Variants in SLC2A9 observed in about 807,000 individuals in gnomAD.
SLC2A9 encodes the protein solute carrier family 2, facilitated glucose transporter member 9.
Under a neutral mutation model 50.6 loss-of-function variants are expected in SLC2A9, and 39 were observed. The ratio of observed to expected loss-of-function variants is 0.77; its 90% CI spans 0.60 to 1.01. The LOEUF (loss-of-function observed/expected upper bound fraction) is 1.01, where lower values mean the gene tolerates loss of function less well. Ranked by LOEUF, SLC2A9 falls within the 50% of genes least tolerant of loss-of-function variation. The pLI is 0.00. For synonymous variants in SLC2A9, 324 were observed against 276.9 expected (o/e 1.17, Z -1.69); for missense variants, 686 against 677.6 (o/e 1.01, Z -0.14).
At chr4:9,795,007 CT>C (rs3060726), downstream of SLC2A9, among the ~76,000 whole-genome samples, 563 of 95,184 alleles carry the variant, frequency 5.9e-3, 3 homozygotes, top group East Asian at 0.027. Flanking sequence ...TTAACCCATC[CT>C]TTTTTTTTTT....
intron 6 of SLC2A9, among the ~76,000 whole-genome samples, chr4:9,928,737 A>G (rs568611628): frequency 2.0e-5 from 3 of 152,364 alleles, no homozygotes; most frequent in African/African-American, 7.2e-5. Context: ...CCTTCTCAAA[A>G]GCAAACAAAC....
chr4:10,034,283 C>G (rs538407255), intron 1 of SLC2A9: 1 of 152,296 alleles, frequency 6.6e-6, no homozygotes, highest in Non-Finnish European at 1.5e-5. Flanking sequence ...AGCGCACCCA[C>G]GCAAGGAGCT....
chr4:9,780,478 C>T (rs1164479400), intron 3 of SLC2A9, among the ~76,000 whole-genome samples: 1 of 152,106 alleles, frequency 6.6e-6, no homozygotes, highest in African/African-American at 2.4e-5. Flanking sequence ...GGCTGAGCAG[C>T]TTAAGTCTGA....
At chr4:9,972,373 GT>G (rs528188285) in intron 5 of SLC2A9, among the ~76,000 whole-genome samples, 1 of 149,380 alleles carries the variant, frequency 6.7e-6, no homozygotes, top group African/African-American at 2.4e-5. Flanking sequence ...TAATTGATTT[GT>G]TTTAAAAAAA....
chr4:10,010,997 G>T (rs138700664), intron 2 of SLC2A9, among the ~76,000 whole-genome samples: 16 of 152,102 alleles, frequency 1.1e-4, no homozygotes, highest in African/African-American at 3.4e-4. Context: ...TAGGAAGTGC[G>T]TGAGTCCCAG....
chr4:9,799,476 C>G (rs569811195), intron 3 of SLC2A9, among the ~76,000 whole-genome samples: 1 of 151,870 alleles, frequency 6.6e-6, no homozygotes, highest in South Asian at 2.1e-4. Flanking sequence ...GTCATTAATC[C>G]CATTCAGAAT....
chr4:9,996,671 C>G, intron 3 of SLC2A9, 110 bp downstream of exon 3: 1 of 1,331,120 alleles, frequency 7.5e-7, no homozygotes, highest in East Asian at 2.5e-5. Context: ...TTGAATCTCT[C>G]CAGTTGAACT....
chr4:9,845,255 C>T (rs371591361), intron 10 of SLC2A9, among the ~76,000 whole-genome samples: 144 of 151,872 alleles, frequency 9.5e-4, no homozygotes, highest in African/African-American at 2.9e-3. Flanking sequence ...CCTCGTGATC[C>T]GCCTGCCTCG....
In SLC2A9 at chr4:9,920,539, G is replaced by T; in HGVS notation, c.848C>A (p.Ser283Tyr). 6.2e-7 allele frequency: 1 copy of T among 1,614,174 alleles called. No homozygotes were observed. Among genetic ancestry groups the T allele is most frequent in the South Asian group, 1.1e-5 (1 of 91,088 alleles). ...FQTFLGKADV[S>Y]QEVEEVLAES... The stretch of plus-strand genomic sequence containing the variant: ...AGCCAGGACCTCCTCTACCTCTTGG[G>T]AAACGTCTGCTTTACCCAAGAACGT... Residue 283 changes from serine (S) to tyrosine (Y), a missense_variant, in exon 7 of 12, where the codon TCC becomes TAC. Coordinates refer to ENST00000264784, the MANE Select transcript of SLC2A9 (RefSeq NM_020041.3).
At position 10,020,039 on chromosome 4, in the gene SLC2A9, AGTGTGTGTGTGTGTGT is replaced by A. The variant is rs112964589; in HGVS notation, c.151-982_151-967del. Among the ~76,000 whole-genome samples, 550 of 148,082 alleles carry A rather than the reference AGTGTGTGTGTGTGTGT, an allele frequency of 3.7e-3. 2 individuals carry two copies. The highest frequency in any genetic ancestry group is 0.013 in the African/African-American group (510 of 40,212). ...TTTGCCATCATTTGACATATTTGTGAGTGTGTGTGTGTGTGTGTGTGTGTGTGTGTGTGTTGTAGGC... is the reference window on the plus strand; with the variant it reads ...TTTGCCATCATTTGACATATTTGTGAGTGTGTGTGTGTGTGTGTTGTAGGC... On this transcript the variant is annotated intron_variant, in intron 1 of 11. Coordinates refer to ENST00000264784, the MANE Select transcript of SLC2A9 (RefSeq NM_020041.3).
chr4:9,889,685 G>T (rs1736996977), intron 9 of SLC2A9, among the ~76,000 whole-genome samples: 1 of 152,206 alleles, frequency 6.6e-6, no homozygotes, highest in African/African-American at 2.4e-5. Context: ...CATTTGACAG[G>T]TGATCAAAAT....
chr4:10,024,846 A>T (rs570297103), upstream of SLC2A9, among the ~76,000 whole-genome samples: 1 of 152,250 alleles, frequency 6.6e-6, no homozygotes, highest in Non-Finnish European at 1.5e-5. Context: ...TCTATTGAGT[A>T]TCATTTAAGC....
intron 4 of SLC2A9, 138 bp downstream of exon 4, chr4:9,985,531 G>T: frequency 8.6e-7 from 1 of 1,159,530 alleles, no homozygotes. Context: ...TTTATGCAGA[G>T]TTCCAGCATC....
In SLC2A9 at chr4:9,832,929, G is replaced by A. The variant is rs183382473; in HGVS notation, c.1419+1952C>T. Among the ~76,000 whole-genome samples, 228 of 149,364 alleles carry A rather than the reference G, an allele frequency of 1.5e-3. 1 individual carries two copies. Among genetic ancestry groups the A allele is most frequent in the Middle Eastern group, 6.9e-3 (2 of 290 alleles). On this transcript the variant is annotated intron_variant, in intron 11 of 11. Transcript: ENST00000264784. ...AAGGTCTTTCACACCCCACACCCCT[G>A]AGTGGCTCAGAAGATAGTGGCCTGC...
intron 6 of SLC2A9, among the ~76,000 whole-genome samples, chr4:9,939,707 A>C (rs1203497806): frequency 6.6e-6 from 1 of 152,156 alleles, no homozygotes; most frequent in African/African-American, 2.4e-5. Context: ...ATAGTTTTCA[A>C]TACAGATGAG....
At chr4:9,860,412 C>T (rs9684729) in intron 10 of SLC2A9, among the ~76,000 whole-genome samples, 71,607 of 152,034 alleles carry the variant, frequency 0.47, 19,237 homozygotes, top group African/African-American at 0.74. Context: ...GGGTGTTGAA[C>T]GAAGATGGGG....
downstream of SLC2A9, among the ~76,000 whole-genome samples, chr4:9,794,125 T>A (rs1720290864): frequency 6.6e-6 from 1 of 152,196 alleles, no homozygotes; most frequent in African/African-American, 2.4e-5. Flanking sequence ...CATTAGGATT[T>A]GTGCAGAGCG....
intron 10 of SLC2A9, among the ~76,000 whole-genome samples, chr4:9,851,383 C>T (rs1055898379): frequency 2.0e-5 from 3 of 152,130 alleles, no homozygotes; most frequent in Admixed American, 2.0e-4. Flanking sequence ...TGCAATCAAA[C>T]CCTCAAGGGC....
chr4:9,931,186 C>A (rs1560326805), intron 6 of SLC2A9, among the ~76,000 whole-genome samples: 1 of 152,152 alleles, frequency 6.6e-6, no homozygotes, highest in Admixed American at 6.5e-5. Context: ...TCATCCAAGC[C>A]CTACCCCCTG....
Sources: allele counts gnomAD v4.1 joint callset (sites outside exome capture counted in the v4.1 genomes callset), GRCh38; gene constraint gnomAD v4.1.1; transcripts MANE v1.5; gene names NCBI Gene and HGNC (gene_info 2026-07-23, HGNC 2026-07-21).